SNX1: variants seen among roughly 807,000 people sequenced by gnomAD.
SNX1 encodes sorting nexin 1, also known as sorting nexin-1.
A neutral mutation model predicts 71.8 loss-of-function variants in SNX1; 36 were observed. The ratio of observed to expected loss-of-function variants is 0.50; its 90% CI spans 0.38 to 0.66. The LOEUF (loss-of-function observed/expected upper bound fraction) is 0.66. Ranked by LOEUF, SNX1 falls within the 30% of genes least tolerant of loss-of-function variation. The pLI is 0.00. For synonymous variants in SNX1, 254 were observed against 240.7 expected (o/e 1.06, Z -0.51); for missense variants, 612 against 646.7 (o/e 0.95, Z 0.58).
Position 64,131,515 on chromosome 15 carries a change from C to G in SNX1, c.1016-172C>G, listed in dbSNP as rs561652516. 5 of 629,328 alleles carry G rather than the reference C, an allele frequency of 7.9e-6. 1 individual carries two copies. The Middle Eastern group carries it at 1.7e-3, about 219-fold the overall frequency. 39.0% of individuals were successfully genotyped at this position (629,328 alleles called of 1,614,324 possible). A position where few individuals can be genotyped will look rare whatever the true frequency, so the allele number is the denominator to read the frequency against. On this transcript the variant is annotated intron_variant, in intron 10 of 14. Coordinates refer to ENST00000559844, the MANE Select transcript of SNX1 (RefSeq NM_003099.5). Reference sequence around the variant, plus strand: ...CCTGCTCCTGTGACCAGGCCACATTCTCTTTACTCTCTGAATACAGTTAAC... The same window carrying G: ...CCTGCTCCTGTGACCAGGCCACATTGTCTTTACTCTCTGAATACAGTTAAC...
chr15:64,102,761 CTT>C (rs60616312), intron 1 of SNX1, among the ~76,000 whole-genome samples: 21 of 76,430 alleles, frequency 2.7e-4, no homozygotes, highest in African/African-American at 8.6e-4. Flanking sequence ...ACCACGCCTT[CTT>C]TTTTTTTTTT....
At chr15:64,105,783 A>G (rs1331172221) in intron 1 of SNX1, among the ~76,000 whole-genome samples, 1 of 152,160 alleles carries the variant, frequency 6.6e-6, no homozygotes, top group Non-Finnish European at 1.5e-5. Context: ...ATGGCCTTGC[A>G]CATGATTTTC....
intron 14 of SNX1, 57 bp from the exon 15 acceptor site, chr15:64,137,511 G>A (rs1444118523): frequency 5.2e-5 from 83 of 1,606,336 alleles, no homozygotes; most frequent in Non-Finnish European, 6.6e-5. Context: ...CTCCCAGGCT[G>A]GCTTAGGCTC....
chr15:64,119,109 T>G (rs1248566197), intron 4 of SNX1, among the ~76,000 whole-genome samples: 3 of 151,956 alleles, frequency 2.0e-5, no homozygotes, highest in African/African-American at 7.3e-5. Flanking sequence ...CCCTTTTTAT[T>G]TTTATTCTTT....
chr15:64,117,175 G>A (rs192110923), intron 2 of SNX1, among the ~76,000 whole-genome samples: 7 of 152,158 alleles, frequency 4.6e-5, no homozygotes, highest in Admixed American at 3.3e-4. Flanking sequence ...TTGCTTTGAC[G>A]TCATTTTTTT....
chr15:64,120,084 G>A (rs2081180386), intron 4 of SNX1, among the ~76,000 whole-genome samples: 1 of 152,092 alleles, frequency 6.6e-6, no homozygotes, highest in Non-Finnish European at 1.5e-5. Context: ...CCTGAGTGGA[G>A]AACAATAGGC....
intron 3 of SNX1, 79 bp from the exon 4 acceptor site, chr15:64,118,709 G>A (rs752826570): frequency 3.9e-6 from 4 of 1,020,900 alleles, no homozygotes; most frequent in Admixed American, 3.6e-5. Context: ...TTATTAGATT[G>A]GTATAAGGTT....
In SNX1 at chr15:64,131,790, G is replaced by A. The variant is rs757250095; in HGVS notation, c.1119G>A (p.Val373=). The change falls in exon 11 of 15, where the codon GTG becomes GTA. Residue 373 remains valine, a synonymous_variant. Transcript: ENST00000559844. The part of the protein sequence containing the change: ...LSRALSQLAE[V]EEKIEQLHQE... ...GGGCACTCTCCCAGCTGGCTGAGGT[G>A]GAAGAAAAAATTGAGCAGCTCCACC... 3.1e-6 allele frequency: 5 copies of A among 1,614,068 alleles called. No homozygotes were observed. The highest frequency in any genetic ancestry group is 2.7e-5 in the African/African-American group (2 of 74,916).
chr15:64,131,772 C>G lies in SNX1; in HGVS notation c.1101C>G (p.Leu367=). 6.2e-7 allele frequency: 1 copy of G among 1,614,248 alleles called. No individual in the cohort carries two copies. Among genetic ancestry groups the G allele is most frequent in the Non-Finnish European group, 8.5e-7 (1 of 1,180,050 alleles). The change falls in exon 11 of 15, where the codon CTC becomes CTG. Residue 367 remains leucine (L), a synonymous_variant. Transcript: ENST00000559844. ...ACAACACGGCATTGTCACGGGCACT[C>G]TCCCAGCTGGCTGAGGTGGAAGAAA... ...SEDNTALSRA[L]SQLAEVEEKI...
intron 1 of SNX1, among the ~76,000 whole-genome samples, chr15:64,096,912 T>C (rs752463730): frequency 1.7e-4 from 26 of 152,206 alleles, no homozygotes; most frequent in Non-Finnish European, 1.2e-4. Context: ...GTTCTTGGCA[T>C]TTTGAACAAA....
chr15:64,120,662 T>A (rs926628586), intron 4 of SNX1, among the ~76,000 whole-genome samples: 15 of 152,014 alleles, frequency 9.9e-5, no homozygotes, highest in African/African-American at 3.6e-4. Context: ...AAGTAAAAAA[T>A]TAGCCCTGTC....
Position 64,105,484 on chromosome 15 carries a change from G to A in SNX1, c.160-7089G>A, listed in dbSNP as rs144478644. On this transcript the variant is annotated intron_variant, in intron 1 of 14. Transcript: ENST00000559844. ...TTGATAGTTACTAGAGCAAGTAGCC[G>A]TAAGTATCTCATCTCCAGGAAAAGC... Among the ~76,000 whole-genome samples, 39 of 152,308 alleles carry A rather than the reference G, an allele frequency of 2.6e-4. 1 individual carries two copies. In the East Asian group the frequency reaches 6.0e-3, roughly 23 times the overall value.
intron 7 of SNX1, 45 bp from the exon 8 acceptor site, chr15:64,127,686 C>G: frequency 1.4e-6 from 2 of 1,465,138 alleles, no homozygotes; most frequent in Non-Finnish European, 1.9e-6. Context: ...CCAGAACCTT[C>G]TGAGGCCAGC....
intron 1 of SNX1, among the ~76,000 whole-genome samples, chr15:64,102,537 T>G (rs2080973327): frequency 6.6e-6 from 1 of 152,116 alleles, no homozygotes; most frequent in Non-Finnish European, 1.5e-5. Flanking sequence ...TGCCCTGCCT[T>G]CCCTTCTCAG....
At chr15:64,133,258 G>T (rs1249273058) in intron 11 of SNX1, among the ~76,000 whole-genome samples, 1 of 152,236 alleles carries the variant, frequency 6.6e-6, no homozygotes, top group Non-Finnish European at 1.5e-5. Context: ...CCAGTGGGTT[G>T]GGCTTGAGTC....
Position 64,126,138 on chromosome 15 carries a change from T to C in SNX1, c.570T>C (p.Phe190=). Residue 190 remains phenylalanine, a synonymous_variant, in exon 6 of 15, where the codon TTT becomes TTC. Coordinates refer to ENST00000559844, the MANE Select transcript of SNX1 (RefSeq NM_003099.5). The part of the protein sequence containing the change: ...QFAVKRRFSD[F]LGLYEKLSEK... ...CAGTAAAAAGAAGATTTAGTGACTT[T>C]CTGGGTCTTTATGAGAAGCTTTCCG... is the stretch of plus-strand genomic sequence containing the variant. 1.9e-6 allele frequency: 3 copies of C among 1,614,166 alleles called. No homozygotes were observed. The highest frequency in any genetic ancestry group is 2.5e-6 in the Non-Finnish European group (3 of 1,180,010).
chr15:64,136,233 CA>C (rs2081358024), intron 12 of SNX1, 96 bp from the exon 13 acceptor site: 2 of 888,152 alleles, frequency 2.3e-6, no homozygotes, highest in Non-Finnish European at 3.8e-6. Context: ...ACATAATGAT[CA>C]ATTGAGCCCT....
intron 4 of SNX1, among the ~76,000 whole-genome samples, chr15:64,119,761 A>AT (rs2081175574): frequency 6.6e-6 from 1 of 151,706 alleles, no homozygotes; most frequent in Non-Finnish European, 1.5e-5. Context: ...CACAAAAAAC[A>AT]TTATCTTCTC....
intron 1 of SNX1, among the ~76,000 whole-genome samples, chr15:64,105,409 C>G (rs2081010471): frequency 6.6e-6 from 1 of 152,148 alleles, no homozygotes; most frequent in African/African-American, 2.4e-5. Flanking sequence ...CCTTGGTCCT[C>G]AAGCTTCTCA....
Sources: allele counts gnomAD v4.1 joint callset (sites outside exome capture counted in the v4.1 genomes callset), GRCh38; gene constraint gnomAD v4.1.1; transcripts MANE v1.5; gene names NCBI Gene and HGNC (gene_info 2026-07-23, HGNC 2026-07-21).